The following SEPHS1 variants were observed in gnomAD, a reference collection of about 807,000 sequenced individuals.
SEPHS1 encodes the protein selenophosphate synthetase 1.
In SEPHS1, 7 loss-of-function variants were observed where a neutral mutation model predicts 39.2. The ratio of observed to expected loss-of-function variants is 0.18; its 90% CI spans 0.10 to 0.34. SEPHS1 has a LOEUF of 0.34. SEPHS1 is among the 10% of genes least tolerant of loss of function. The pLI is 1.00. For missense variants in SEPHS1, 253 were observed against 514.5 expected, an observed-to-expected ratio of 0.49 and a Z score of 4.92; for synonymous variants, 190 against 195.5, an observed-to-expected ratio of 0.97 and a Z score of 0.23.
intron 2 of SEPHS1, among the ~76,000 whole-genome samples, chr10:13,343,162 TTTA>T (rs1365302001): frequency 6.6e-6 from 1 of 152,208 alleles, no homozygotes; most frequent in African/African-American, 2.4e-5. Context: ...TAATTCTTAC[TTTA>T]TGCCGTAATG....
chr10:13,321,396 C>T (rs1021124711), intron 8 of SEPHS1, among the ~76,000 whole-genome samples: 39 of 151,998 alleles, frequency 2.6e-4, no homozygotes, highest in African/African-American at 8.0e-4. Flanking sequence ...ACAGGGCACA[C>T]GCCACGACGC....
chr10:13,329,317 G>A (rs987292970), intron 6 of SEPHS1, among the ~76,000 whole-genome samples: 7 of 152,132 alleles, frequency 4.6e-5, no homozygotes, highest in Non-Finnish European at 1.0e-4. Flanking sequence ...AATTTAAACT[G>A]TCAATAACCC....
At chr10:13,345,080 C>T (rs1833886225) in intron 1 of SEPHS1, 52 bp from the exon 2 acceptor site, 2 of 805,272 alleles carry the variant, frequency 2.5e-6, no homozygotes, top group Admixed American at 3.2e-5. Context: ...CCACTGGGAC[C>T]TGCCAGCGAA....
intron 2 of SEPHS1, chr10:13,340,710 T>G (rs1016865744): frequency 6.6e-6 from 1 of 152,250 alleles, no homozygotes; most frequent in Non-Finnish European, 1.5e-5. Flanking sequence ...GTAAAGCGCT[T>G]TATTTCTAAA....
At chr10:13,342,453 A>T (rs1336169310) in intron 2 of SEPHS1, among the ~76,000 whole-genome samples, 1 of 144,062 alleles carries the variant, frequency 6.9e-6, no homozygotes, top group Non-Finnish European at 1.5e-5. Flanking sequence ...GTGTGGTGGC[A>T]TGCGCCTGTA....
At chr10:13,340,311 G>A (rs1487925341) in intron 2 of SEPHS1, among the ~76,000 whole-genome samples, 1 of 151,848 alleles carries the variant, frequency 6.6e-6, no homozygotes, top group Non-Finnish European at 1.5e-5. Flanking sequence ...CCTCGCTTAG[G>A]GAATGGAGAA....
At chr10:13,346,733 AAG>A (rs1833934290) in intron 1 of SEPHS1, among the ~76,000 whole-genome samples, 2 of 152,132 alleles carry the variant, frequency 1.3e-5, no homozygotes, top group African/African-American at 2.4e-5. Context: ...AAAAAAGAAA[AAG>A]AAAAAATCCA....
intron 1 of SEPHS1, 38 bp downstream of exon 1, chr10:13,347,936 GGCCTGCGGACCCAGATTCCCCTTTAA>G (rs1313587893): frequency 6.8e-6 from 1 of 147,458 alleles, no homozygotes; most frequent in African/African-American, 2.5e-5. Flanking sequence ...GGCCGCCGCG[GGCCTGCGGACCCAGATTCCCCTTTAA>G]GCCTGCGCCT....
At chr10:13,347,600 G>A (rs1458338345) in intron 1 of SEPHS1, among the ~76,000 whole-genome samples, 1 of 147,198 alleles carries the variant, frequency 6.8e-6, no homozygotes, top group Non-Finnish European at 1.5e-5. Flanking sequence ...CGGAGAAAAG[G>A]GGAGGCGGGG....
At chr10:13,346,542 C>T (rs1833927723) in intron 1 of SEPHS1, among the ~76,000 whole-genome samples, 1 of 152,122 alleles carries the variant, frequency 6.6e-6, no homozygotes, top group Non-Finnish European at 1.5e-5. Flanking sequence ...AGAAGTCTCC[C>T]TGCCCAAAAA....
At chr10:13,338,180 G>A (rs959024376) in intron 3 of SEPHS1, among the ~76,000 whole-genome samples, 1 of 152,176 alleles carries the variant, frequency 6.6e-6, no homozygotes, top group South Asian at 2.1e-4. Context: ...CACATCACAC[G>A]GTGGTGGGTG....
chr10:13,333,041 C>A (rs1043523049), intron 5 of SEPHS1, among the ~76,000 whole-genome samples: 8 of 152,090 alleles, frequency 5.3e-5, no homozygotes, highest in Admixed American at 6.6e-5. Context: ...AACATCAACT[C>A]CGGTAATGGC....
chr10:13,318,336 T>C lies in SEPHS1; in HGVS notation c.*806A>G, dbSNP rs1398702321. The C allele has an allele frequency of 6.6e-6, 1 of 152,606 alleles. No individual in the cohort carries two copies. Among genetic ancestry groups the C allele is most frequent in the Non-Finnish European group, 1.5e-5 (1 of 68,040 alleles). 9.5% of individuals were successfully genotyped at this position (152,606 alleles called of 1,614,324 possible). A position where few individuals can be genotyped will look rare whatever the true frequency, so the allele number is the denominator to read the frequency against. Reference sequence around the variant, plus strand: ...TTTACTATTGATTATATTTAAAAATTATTTGTGTAATTATATATTGAATTG... The same window carrying C: ...TTTACTATTGATTATATTTAAAAATCATTTGTGTAATTATATATTGAATTG... On this transcript the variant is annotated 3_prime_UTR_variant, in exon 9 of 9. Transcript: ENST00000327347.
Position 13,320,302 on chromosome 10 carries a change from C to T in SEPHS1, c.965-946G>A, listed in dbSNP as rs530433826. 1.9e-3 allele frequency among the ~76,000 whole-genome samples: 293 copies of T among 152,002 alleles called. 2 individuals carry two copies. The highest frequency in any genetic ancestry group is 2.9e-3 in the Non-Finnish European group (195 of 67,972). ...GTTCACACCATTCTCCTGCCTCAGC[C>T]TCCTGAGTAGCTGGGACTACAGGCG... On this transcript the variant is annotated intron_variant, in intron 8 of 8. Coordinates refer to ENST00000327347, the MANE Select transcript of SEPHS1 (RefSeq NM_012247.5).
rs750062262 is a variant in SEPHS1, at chr10:13,319,133, C to T, written c.*9G>A. 2 of 1,610,560 alleles carry T rather than the reference C, an allele frequency of 1.2e-6. No homozygotes were observed. Among genetic ancestry groups the T allele is most frequent in the East Asian group, 2.2e-5 (1 of 44,870 alleles). On this transcript the variant is annotated 3_prime_UTR_variant, in exon 9 of 9. Coordinates refer to ENST00000327347, the MANE Select transcript of SEPHS1 (RefSeq NM_012247.5). Reference sequence around the variant, plus strand: ...TAAAAACAAAACCAAACAGCTATTTCTGTCTAGATTAAGAGGTGGCCCCGG... The same window carrying T: ...TAAAAACAAAACCAAACAGCTATTTTTGTCTAGATTAAGAGGTGGCCCCGG...
chr10:13,318,679 CT>C lies in SEPHS1; in HGVS notation c.*462del, dbSNP rs1462218654. 3.0e-5 allele frequency: 5 copies of C among 169,314 alleles called. No homozygotes were observed. Among genetic ancestry groups the C allele is most frequent in the African/African-American group, 1.2e-4 (5 of 41,484 alleles). 10.5% of individuals were successfully genotyped at this position (169,314 alleles called of 1,614,324 possible). On this transcript the variant is annotated 3_prime_UTR_variant, in exon 9 of 9. Coordinates refer to ENST00000327347, the MANE Select transcript of SEPHS1 (RefSeq NM_012247.5). ...AAGGAATCATGCAACCCTCTTATGA[CT>C]GGGATACCGTCATGTGCCACTTACC...
chr10:13,337,324 C>A (rs1833666223), intron 3 of SEPHS1, among the ~76,000 whole-genome samples: 1 of 152,080 alleles, frequency 6.6e-6, no homozygotes, highest in South Asian at 2.1e-4. Flanking sequence ...TTATTAGGAA[C>A]TTTAAAATAC....
At chr10:13,334,534 T>G (rs1048407545) in intron 4 of SEPHS1, among the ~76,000 whole-genome samples, 1 of 151,784 alleles carries the variant, frequency 6.6e-6, no homozygotes, top group Non-Finnish European at 1.5e-5. Context: ...AGAGTGAGAC[T>G]TCATCTCAAA....
At chr10:13,329,927 G>T in intron 5 of SEPHS1, 139 bp from the exon 6 acceptor site, 1 of 698,560 alleles carries the variant, frequency 1.4e-6, no homozygotes, top group Non-Finnish European at 2.4e-6. Flanking sequence ...CTACCAGCAT[G>T]TATGGGACAG....
Sources: allele counts gnomAD v4.1 joint callset (sites outside exome capture counted in the v4.1 genomes callset), GRCh38; gene constraint gnomAD v4.1.1; transcripts MANE v1.5; gene names NCBI Gene and HGNC (gene_info 2026-07-23, HGNC 2026-07-21).